The following CCDC154 variants were observed in gnomAD, a reference collection of about 807,000 sequenced individuals.
CCDC154 encodes the protein coiled-coil domain containing 154.
CCDC154 carries 91 observed loss-of-function variants against 87.5 expected under a neutral mutation model. The observed-to-expected ratio is 1.04, with a 90% CI of 0.88 to 1.24. The LOEUF is 1.24. Among genes scored for constraint, CCDC154 ranks in the 50% most tolerant of loss-of-function variants. The pLI is 0.00. For synonymous variants in CCDC154, 418 were observed against 400.4 expected (o/e 1.04, Z -0.52); for missense variants, 903 against 879.2 (o/e 1.03, Z -0.34).
intron 4 of CCDC154, 106 bp from the exon 5 acceptor site, chr16:1,443,081 T>C (rs1421494142): frequency 2.8e-6 from 4 of 1,435,502 alleles, no homozygotes; most frequent in Non-Finnish European, 3.8e-6. Flanking sequence ...ATGGCTTTCC[T>C]GGGCCTCTGA....
chr16:1,442,789 A>C, intron 5 of CCDC154, 91 bp downstream of exon 5: 1 of 1,314,932 alleles, frequency 7.6e-7, no homozygotes, highest in Non-Finnish European at 1.0e-6. Flanking sequence ...CTGGGGACAC[A>C]CGGCAGGGGG....
intron 14 of CCDC154, among the ~76,000 whole-genome samples, chr16:1,435,687 G>A (rs1567256703): frequency 6.6e-6 from 1 of 152,144 alleles, no homozygotes; most frequent in Non-Finnish European, 1.5e-5. Context: ...CACCATGCCT[G>A]GCTAATTTTT....
intron 5 of CCDC154, 24 bp from the exon 6 acceptor site, chr16:1,442,553 A>C: frequency 6.6e-7 from 1 of 1,511,230 alleles, no homozygotes; most frequent in Non-Finnish European, 8.9e-7. Context: ...CTGTGGTCAC[A>C]CCAGCCCAGC....
rs2038537205 is a variant in CCDC154, at chr16:1,440,120, C to A, written c.676-994G>T. ...TGAGATCATGCCACTGTAACTCCAG[C>A]CTGGGCGACAGAGCGAGACTGTCAG... is the stretch of plus-strand genomic sequence containing the variant. On this transcript the variant is annotated intron_variant, in intron 6 of 16. Transcript: ENST00000389176. Among the ~76,000 whole-genome samples, 2 of 143,328 alleles carry A rather than the reference C, an allele frequency of 1.4e-5. 1 individual carries two copies. The highest frequency in any genetic ancestry group is 4.5e-4 in the South Asian group (2 of 4,460). The allele number at this position is 143,328 out of a possible 152,430, so 94.0% of individuals were successfully genotyped here.
In CCDC154 at chr16:1,434,409, T is replaced by C; in HGVS notation, c.2003A>G (p.Ter668=). 1 of 1,550,256 alleles carries C rather than the reference T, an allele frequency of 6.5e-7. No homozygotes were observed. Among genetic ancestry groups the C allele is most frequent in the Non-Finnish European group, 8.7e-7 (1 of 1,146,838 alleles). Residue 668 remains the stop codon, a stop_retained_variant, in exon 17 of 17, where the codon TAA becomes TGA. Coordinates refer to ENST00000389176, the MANE Select transcript of CCDC154 (RefSeq NM_001143980.3). ...QLTPSLFIQK[*] Reference sequence around the variant, plus strand: ...CTAATGAGTACAAAGCCAGCACGTTTATTTCTGGATAAACAGTGAGGGTGT... The same window carrying C: ...CTAATGAGTACAAAGCCAGCACGTTCATTTCTGGATAAACAGTGAGGGTGT...
chr16:1,440,322 T>C (rs556065615), intron 6 of CCDC154, among the ~76,000 whole-genome samples: 4 of 151,670 alleles, frequency 2.6e-5, no homozygotes, highest in South Asian at 4.2e-4. Context: ...TGGTGATGCG[T>C]GCCTGTAGTC....
In CCDC154 at chr16:1,436,442, T is replaced by G; in HGVS notation, c.1487+3A>C. On this transcript the variant is annotated splice_donor_region_variant and intron_variant, in intron 13 of 16. Coordinates refer to ENST00000389176, the MANE Select transcript of CCDC154 (RefSeq NM_001143980.3). ...CCCCTCTCCCAGGGCCTGGAGGCTG[T>G]ACCTGGCCTTGCCTTCGGCGGAAAT... 1 of 1,547,696 alleles carries G rather than the reference T, an allele frequency of 6.5e-7. No individual in the cohort carries two copies. The highest frequency in any genetic ancestry group is 8.7e-7 in the Non-Finnish European group (1 of 1,146,512).
rs1032392294 is a variant in CCDC154, at chr16:1,438,800, C to T, written c.906+15G>A. 7.8e-6 allele frequency: 12 copies of T among 1,539,770 alleles called. No homozygotes were observed. Among genetic ancestry groups the T allele is most frequent in the Non-Finnish European group, 1.0e-5 (12 of 1,143,074 alleles). ...CGGCCCCGGCCCCACCTGCCCGCCGCCCGCCCGGCCCCACCTCATGCTGCC... is the reference window on the plus strand; with the variant it reads ...CGGCCCCGGCCCCACCTGCCCGCCGTCCGCCCGGCCCCACCTCATGCTGCC... On this transcript the variant is annotated intron_variant, in intron 8 of 16. Coordinates refer to ENST00000389176, the MANE Select transcript of CCDC154 (RefSeq NM_001143980.3).
rs932965091 is a variant in CCDC154, at chr16:1,444,474, T to C, written c.-152A>G. 65 of 762,080 alleles carry C rather than the reference T, an allele frequency of 8.5e-5. No homozygotes were observed. The African/African-American group carries it at 1.2e-3, about 14-fold the overall frequency. 47.2% of individuals were successfully genotyped at this position (762,080 alleles called of 1,614,324 possible). ...GGCCTTGAGGGACGAGCTGCTGCCC[T>C]CGTCTGGCTGCCTTCTCAGGGTCCC... On this transcript the variant is annotated 5_prime_UTR_variant, in exon 1 of 17. Transcript: ENST00000389176.
Position 1,439,144 on chromosome 16 carries a change from T to C in CCDC154, c.676-18A>G, listed in dbSNP as rs2038529230. On this transcript the variant is annotated intron_variant, in intron 6 of 16. Coordinates refer to ENST00000389176, the MANE Select transcript of CCDC154 (RefSeq NM_001143980.3). ...ACCTGGGCCTGGGGCGGAGGCACAT[T>C]GTCCCGTGTGCAGCCTCTGCTGGAC... 6.5e-7 allele frequency: 1 copy of C among 1,546,432 alleles called. No individual in the cohort carries two copies. The highest frequency in any genetic ancestry group is 1.4e-5 in the African/African-American group (1 of 72,946).
intron 14 of CCDC154, among the ~76,000 whole-genome samples, chr16:1,435,727 T>C (rs554807680): frequency 2.1e-3 from 322 of 152,272 alleles, no homozygotes; most frequent in Non-Finnish European, 3.4e-3. Flanking sequence ...GGTTTCTCCA[T>C]GTTGGTCAGG....
chr16:1,435,283 G>T (rs1291003835), intron 14 of CCDC154, 108 bp from the exon 15 acceptor site: 6 of 937,114 alleles, frequency 6.4e-6, no homozygotes, highest in African/African-American at 3.3e-5. Context: ...TTGGGCAGGG[G>T]CCACCTGCTG....
At position 1,437,839 on chromosome 16, in the gene CCDC154, A is replaced by C. The variant is rs1328856679; in HGVS notation, c.1268T>G (p.Met423Arg). 2.0e-6 allele frequency: 3 copies of C among 1,538,262 alleles called. No individual in the cohort carries two copies. The highest frequency in any genetic ancestry group is 1.4e-5 in the African/African-American group (1 of 72,986). ...CACCTCGGACAGCCTGAGGCCCAGC[A>C]TCTGCTCCTGCAGATCGAGCCGGCT... Reference protein sequence around the residue: ...LSSRLDLQEQMLGLRLSEAKT... With the variant: ...LSSRLDLQEQRLGLRLSEAKT... Residue 423 changes from methionine to arginine, a missense_variant, in exon 11 of 17, where the codon ATG (methionine) becomes AGG (arginine). Coordinates refer to ENST00000389176, the MANE Select transcript of CCDC154 (RefSeq NM_001143980.3).
chr16:1,437,526 C>T lies in CCDC154; in HGVS notation c.1290+291G>A, dbSNP rs540522556. 3.6e-4 allele frequency: 146 copies of T among 408,102 alleles called. 2 individuals carry two copies. The highest frequency in any genetic ancestry group is 2.9e-3 in the South Asian group (57 of 19,608). 25.3% of individuals were successfully genotyped at this position (408,102 alleles called of 1,614,324 possible). On this transcript the variant is annotated intron_variant, in intron 11 of 16. Transcript: ENST00000389176. ...GAACAAGAGCACGAGGGGTGGAGGC[C>T]GCTTGTCTGCCCCGCCGTGAGCTGC...
At chr16:1,436,116 T>C in intron 13 of CCDC154, 30 bp from the exon 14 acceptor site, 1 of 1,524,738 alleles carries the variant, frequency 6.6e-7, no homozygotes, top group Non-Finnish European at 8.9e-7. Flanking sequence ...AGGCTGGCTG[T>C]CGGGTGTGCT....
chr16:1,434,981 C>T, intron 15 of CCDC154, 108 bp downstream of exon 15: 1 of 1,425,620 alleles, frequency 7.0e-7, no homozygotes, highest in Non-Finnish European at 9.5e-7. Context: ...CATGGCCAGA[C>T]ACTTGGACAG....
intron 9 of CCDC154, 61 bp from the exon 10 acceptor site, chr16:1,438,237 C>T: frequency 6.9e-7 from 1 of 1,445,870 alleles, no homozygotes; most frequent in Non-Finnish European, 9.1e-7. Context: ...AGCCCTGGGC[C>T]AGGGAGGGGA....
At chr16:1,439,600 A>C (rs1180460682) in intron 6 of CCDC154, among the ~76,000 whole-genome samples, 1 of 152,202 alleles carries the variant, frequency 6.6e-6, no homozygotes, top group Non-Finnish European at 1.5e-5. Context: ...TCATACACGC[A>C]AAGGGTAGGC....
Position 1,438,685 on chromosome 16 carries a change from A to C in CCDC154, c.959T>G (p.Leu320Arg). Residue 320 changes from leucine to arginine, a missense_variant, in exon 9 of 17, where the codon CTG becomes CGG. Physicochemically the swap from Leu to Arg is moderately radical, Grantham distance 102. Coordinates refer to ENST00000389176, the MANE Select transcript of CCDC154 (RefSeq NM_001143980.3). ...CTGGTTCTGCTGCACAAACTTGGTCAGCTGGGCCACGGCAGCATCCAGGCC... is the reference window on the plus strand; with the variant it reads ...CTGGTTCTGCTGCACAAACTTGGTCCGCTGGGCCACGGCAGCATCCAGGCC... ...CQGLDAAVAQ[L>R]TKFVQQNQAS... The C allele has an allele frequency of 6.5e-7, 1 of 1,550,114 alleles. No homozygotes were observed. The highest frequency in any genetic ancestry group is 8.7e-7 in the Non-Finnish European group (1 of 1,146,796).
Sources: gnomAD v4.1 joint callset for allele counts (sites outside exome capture counted in the v4.1 genomes callset) on GRCh38, gnomAD v4.1.1 for gene constraint, MANE v1.5 for transcripts, NCBI Gene and HGNC (gene_info 2026-07-23, HGNC 2026-07-21) for gene names.